Variants in SETDB2 observed in about 807,000 individuals in gnomAD.
SETDB2 encodes histone-lysine N-methyltransferase SETDB2.
A neutral mutation model predicts 82.5 loss-of-function variants in SETDB2; 56 were observed. The ratio of observed to expected loss-of-function variants is 0.68; its 90% CI spans 0.55 to 0.85. The LOEUF is 0.85. SETDB2 is among the 40% of genes least tolerant of loss of function. The pLI is 0.00. For synonymous variants in SETDB2, 272 were observed against 284.9 expected (o/e 0.95, Z 0.46); for missense variants, 677 against 816.4 (o/e 0.83, Z 2.08).
Position 49,476,874 on chromosome 13 carries a change from G to A in SETDB2, c.704G>A (p.Ser235Asn), listed in dbSNP as rs1351974872. The change falls in exon 6 of 14, where the codon AGC becomes AAC. Residue 235 changes from serine (S) to asparagine (N), a missense_variant. Physicochemically the swap from Ser to Asn is conservative, Grantham distance 46. Transcript: ENST00000611815. ...QKEVVSDVDI[S>N]NGVESVPISF... ...GAAGTTGTTTCTGATGTGGATATTA[G>A]CAATGGAGTGGAATCAGTGCCCATT... 1.2e-6 allele frequency: 2 copies of A among 1,614,170 alleles called. No individual in the cohort carries two copies. The highest frequency in any genetic ancestry group is 1.1e-5 in the South Asian group (1 of 91,080).
chr13:49,471,285 A>G (rs9596112), intron 5 of SETDB2, among the ~76,000 whole-genome samples: 7,319 of 151,902 alleles, frequency 0.048, 260 homozygotes, highest in South Asian at 0.13. Flanking sequence ...CCAGTATTCT[A>G]TTCTTGAGTT....
chr13:49,482,272 A>G (rs1958495281), intron 8 of SETDB2: 3 of 985,362 alleles, frequency 3.0e-6, no homozygotes, highest in African/African-American at 1.7e-5. Context: ...CATGAACTTT[A>G]GACCAAGATT....
At chr13:49,491,615 G>A in intron 13 of SETDB2, 117 bp from the exon 14 acceptor site, 1 of 702,072 alleles carries the variant, frequency 1.4e-6, no homozygotes, top group Non-Finnish European at 2.5e-6. Context: ...GATGTTGGGT[G>A]AGAGAACAGA....
At chr13:49,481,606 G>A (rs1958478310) in intron 8 of SETDB2, among the ~76,000 whole-genome samples, 2 of 152,246 alleles carry the variant, frequency 1.3e-5, no homozygotes, top group African/African-American at 4.8e-5. Context: ...GGGGACTGCA[G>A]AGAGTTGTCC....
rs1958761969 is a variant in SETDB2 at position 49,494,122 on chromosome 13, C to T, written c.*2273C>T. 6.6e-6 allele frequency: 1 copy of T among 152,140 alleles called. No homozygotes were observed. Among genetic ancestry groups the T allele is most frequent in the Admixed American group, 6.5e-5 (1 of 15,274 alleles). The allele number at this position is 152,140 out of a possible 1,614,324, so 9.4% of individuals were successfully genotyped here. The stretch of plus-strand genomic sequence containing the variant: ...AGGACCTTTTCCTAGGAGCATTTCT[C>T]AATTTAATCTTCCAGTTCATCTGTT... On this transcript the variant is annotated 3_prime_UTR_variant, in exon 14 of 14. Coordinates refer to ENST00000611815, the MANE Select transcript of SETDB2 (RefSeq NM_001160308.3).
At chr13:49,486,434 A>G (rs575297664) in intron 11 of SETDB2, among the ~76,000 whole-genome samples, 24 of 152,290 alleles carry the variant, frequency 1.6e-4, no homozygotes, top group African/African-American at 5.8e-4. Context: ...AGCCTGAAAT[A>G]TTTGCTATTT....
At chr13:49,482,025 T>G (rs1422218926) in intron 8 of SETDB2, 1 of 983,570 alleles carries the variant, frequency 1.0e-6, no homozygotes, top group African/African-American at 1.7e-5. Context: ...CACTCCCCAT[T>G]TACAGATCCA....
chr13:49,468,016 A>G, intron 5 of SETDB2, 56 bp downstream of exon 5: 3 of 1,277,964 alleles, frequency 2.3e-6, no homozygotes, highest in South Asian at 1.5e-5. Context: ...TTTCTTCTTT[A>G]TAAATCACTT....
chr13:49,489,563 T>TC (rs1958662062), intron 12 of SETDB2, among the ~76,000 whole-genome samples: 1 of 146,482 alleles, frequency 6.8e-6, no homozygotes, highest in Admixed American at 6.8e-5. Flanking sequence ...ATGCCCCGAC[T>TC]CCACCTTCTC....
chr13:49,486,876 TC>T (rs1958607922), intron 11 of SETDB2, among the ~76,000 whole-genome samples: 1 of 151,892 alleles, frequency 6.6e-6, no homozygotes, highest in Non-Finnish European at 1.5e-5. Context: ...TGCTGTCTCT[TC>T]CCCCCTGCAA....
intron 2 of SETDB2, among the ~76,000 whole-genome samples, chr13:49,455,274 A>G (rs957796524): frequency 2.0e-5 from 3 of 152,140 alleles, no homozygotes; most frequent in Admixed American, 6.5e-5. Context: ...CTAATTGTGG[A>G]TATTTTTCTT....
intron 5 of SETDB2, among the ~76,000 whole-genome samples, chr13:49,471,380 A>G (rs1958237821): frequency 6.6e-6 from 1 of 152,094 alleles, no homozygotes; most frequent in South Asian, 2.1e-4. Flanking sequence ...AATTCTTTTA[A>G]AAGGATATTT....
In SETDB2 at chr13:49,477,041, T is replaced by A; in HGVS notation, c.869+2T>A. ...CTGCTCTGAGGGCTGCATAGACATG[T>A]GAGTAGAAAAACATGGCGTTTCAAA... On this transcript the variant is annotated splice_donor_variant, in intron 6 of 13. Transcript: ENST00000611815. LOFTEE classifies it high-confidence loss of function. The A allele has an allele frequency of 1.3e-6, 2 of 1,561,792 alleles. No individual in the cohort carries two copies. The highest frequency in any genetic ancestry group is 1.7e-6 in the Non-Finnish European group (2 of 1,162,760).
At chr13:49,464,488 C>T (rs1436733643) in intron 4 of SETDB2, among the ~76,000 whole-genome samples, 1 of 152,154 alleles carries the variant, frequency 6.6e-6, no homozygotes, top group Non-Finnish European at 1.5e-5. Flanking sequence ...ATGGTAACAA[C>T]TAATTCTAAA....
intron 1 of SETDB2, among the ~76,000 whole-genome samples, chr13:49,449,515 C>T (rs926803274): frequency 2.0e-5 from 3 of 152,034 alleles, no homozygotes; most frequent in Admixed American, 6.6e-5. Flanking sequence ...CCTCCCAAAG[C>T]GCTGGCATCA....
chr13:49,453,037 C>A (rs1309502334), intron 2 of SETDB2, among the ~76,000 whole-genome samples: 1 of 152,206 alleles, frequency 6.6e-6, no homozygotes, highest in East Asian at 1.9e-4. Flanking sequence ...ATAGGTAGCC[C>A]ACAGTTAAGG....
intron 1 of SETDB2, among the ~76,000 whole-genome samples, chr13:49,448,059 T>C (rs1957725623): frequency 6.6e-6 from 1 of 152,170 alleles, no homozygotes; most frequent in South Asian, 2.1e-4. Flanking sequence ...TTTTTCCTGC[T>C]TCAGAACAGG....
At chr13:49,453,294 CTT>C (rs1566154765) in intron 2 of SETDB2, among the ~76,000 whole-genome samples, 2 of 148,876 alleles carry the variant, frequency 1.3e-5, no homozygotes. Context: ...TCAGTTGGCT[CTT>C]TTTTTTCTTT....
rs1442919816 is a variant in SETDB2 at position 49,492,568 on chromosome 13, AG to A, written c.*720del. On this transcript the variant is annotated 3_prime_UTR_variant, in exon 14 of 14. Coordinates refer to ENST00000611815, the MANE Select transcript of SETDB2 (RefSeq NM_001160308.3). ...GGAGGAACTTGAATATTTTTGTTCTAGATAGAGATACAGTTACTGAAAAGGA... is the reference window on the plus strand; with the variant it reads ...GGAGGAACTTGAATATTTTTGTTCTAATAGAGATACAGTTACTGAAAAGGA... The A allele has an allele frequency of 1.3e-5, 2 of 152,258 alleles. No individual in the cohort carries two copies. The highest frequency in any genetic ancestry group is 4.8e-5 in the African/African-American group (2 of 41,460). The allele number at this position is 152,258 out of a possible 1,614,324, so 9.4% of individuals were successfully genotyped here.
Sources: gnomAD v4.1 joint callset for allele counts (sites outside exome capture counted in the v4.1 genomes callset) on GRCh38, gnomAD v4.1.1 for gene constraint, MANE v1.5 for transcripts, NCBI Gene and HGNC (gene_info 2026-07-23, HGNC 2026-07-21) for gene names.